The following COX16 variants were observed in gnomAD, a reference collection of about 807,000 sequenced individuals.
COX16 encodes the protein cytochrome c oxidase assembly factor COX16.
COX16 carries 12 observed loss-of-function variants against 15.4 expected under a neutral mutation model. The observed-to-expected ratio is 0.78, with a 90% CI of 0.50 to 1.26. The LOEUF is 1.26. COX16 is among the 50% of genes most tolerant of loss of function. COX16 has a pLI of 0.00. For synonymous variants in COX16, 46 were observed against 41.1 expected, an observed-to-expected ratio of 1.12 and a Z score of -0.46; for missense variants, 124 against 127.6, an observed-to-expected ratio of 0.97 and a Z score of 0.14.
intron 3 of COX16, chr14:70,328,348 A>T (rs192018987): frequency 6.6e-6 from 1 of 152,288 alleles, no homozygotes; most frequent in East Asian, 1.9e-4. Flanking sequence ...ATAAAAATCA[A>T]CACTCTTCAG....
chr14:70,331,377 A>C (rs1410463995), intron 2 of COX16, among the ~76,000 whole-genome samples: 1 of 152,194 alleles, frequency 6.6e-6, no homozygotes, highest in Non-Finnish European at 1.5e-5. Context: ...AAAGGTTTAT[A>C]ATCTGGCATG....
chr14:70,333,150 G>A (rs1886344176), intron 2 of COX16, among the ~76,000 whole-genome samples: 1 of 152,108 alleles, frequency 6.6e-6, no homozygotes, highest in African/African-American at 2.4e-5. Flanking sequence ...TAAATACAGA[G>A]GCTCTCAATG....
intron 1 of COX16, among the ~76,000 whole-genome samples, chr14:70,354,829 A>AGTGTGTGTGCGTGTGTGT (rs1555345883): frequency 1.2e-5 from 1 of 85,716 alleles, no homozygotes; most frequent in African/African-American, 5.1e-5. Context: ...CTATGCATAG[A>AGTGTGTGTGCGTGTGTGT]GTGTGTGTGT....
intron 2 of COX16, among the ~76,000 whole-genome samples, chr14:70,341,276 AC>A (rs1886617027): frequency 1.3e-5 from 2 of 152,192 alleles, no homozygotes; most frequent in African/African-American, 2.4e-5. Context: ...TAGAAAGTAC[AC>A]ATTTTTTTAA....
At chr14:70,329,605 C>T (rs113430915) in intron 2 of COX16, among the ~76,000 whole-genome samples, 105 of 151,452 alleles carry the variant, frequency 6.9e-4, no homozygotes, top group African/African-American at 2.5e-3. Context: ...CTCCAGAGTT[C>T]ACACTATTAA....
In COX16 at chr14:70,328,856, C is replaced by CCCA. The variant is rs1369217380; in HGVS notation, c.204+317_204+318insTGG. ...GTATGTATGAACCCATTGATCTTTA[C>CCCA]TTTTAGAGCTTCTGGGTTTTATATC... On this transcript the variant is annotated intron_variant, in intron 3 of 3. Coordinates refer to ENST00000389912, the MANE Select transcript of COX16 (RefSeq NM_016468.7). Among the ~76,000 whole-genome samples the CCCA allele has an allele frequency of 1.2e-3, 180 of 152,108 alleles. 1 individual carries two copies. The highest frequency in any genetic ancestry group is 4.3e-3 in the African/African-American group (177 of 41,550).
chr14:70,341,662 A>G (rs1219742427), intron 2 of COX16, among the ~76,000 whole-genome samples: 1 of 152,216 alleles, frequency 6.6e-6, no homozygotes, highest in Non-Finnish European at 1.5e-5. Context: ...GTTAATGTAT[A>G]GACCCCCTCA....
rs202027808 is a variant in COX16 at position 70,357,157 on chromosome 14, T to TC, written c.69+2361dup. 6.0e-3 allele frequency among the ~76,000 whole-genome samples: 204 copies of TC among 33,968 alleles called. 33 individuals are homozygous for TC. Among genetic ancestry groups the TC allele is most frequent in the African/African-American group, 0.018 (133 of 7,336 alleles). The allele number at this position is 33,968 out of a possible 152,430, so 22.3% of individuals were successfully genotyped here. A position where few individuals can be genotyped will look rare whatever the true frequency, so the allele number is the denominator to read the frequency against. On this transcript the variant is annotated intron_variant, in intron 1 of 3. Transcript: ENST00000389912. Reference sequence around the variant, plus strand: ...ACAGACTTCTCCTAGGAAGCGTTTGTCAAAAAAAAAAAAAAAAAAAAAAAA... The same window carrying TC: ...ACAGACTTCTCCTAGGAAGCGTTTGTCCAAAAAAAAAAAAAAAAAAAAAAAA...
intron 1 of COX16, among the ~76,000 whole-genome samples, chr14:70,349,010 C>T (rs1886864553): frequency 6.6e-6 from 1 of 152,164 alleles, no homozygotes; most frequent in African/African-American, 2.4e-5. Flanking sequence ...CTTCTGAGCC[C>T]AAAACCTTCA....
intron 1 of COX16, among the ~76,000 whole-genome samples, chr14:70,357,435 G>A (rs1887165129): frequency 6.6e-6 from 1 of 152,136 alleles, no homozygotes; most frequent in Non-Finnish European, 1.5e-5. Flanking sequence ...GCTATACATG[G>A]AGCTGTAAAT....
chr14:70,337,841 T>C (rs1435105932), intron 2 of COX16, among the ~76,000 whole-genome samples: 1 of 151,908 alleles, frequency 6.6e-6, no homozygotes, highest in South Asian at 2.1e-4. Context: ...CATGTGGAGA[T>C]TGAACACAGC....
chr14:70,341,854 TGTGTGTGTGA>T (rs1196855494), intron 2 of COX16, among the ~76,000 whole-genome samples: 2 of 151,986 alleles, frequency 1.3e-5, no homozygotes, highest in Non-Finnish European at 2.9e-5. Context: ...GGATCATCTG[TGTGTGTGTGA>T]GTGTGTGTGT....
chr14:70,347,762 C>T lies in COX16; in HGVS notation c.70-5033G>A, dbSNP rs1378353726. ...AGGCCTGGCTCTTACCCCATGAACC[C>T]GAGGGCTCACAACCGACCACATATC... On this transcript the variant is annotated intron_variant, in intron 1 of 3. Coordinates refer to ENST00000389912, the MANE Select transcript of COX16 (RefSeq NM_016468.7). Among the ~76,000 whole-genome samples the T allele has an allele frequency of 3.3e-5, 5 of 152,220 alleles. No individual in the cohort carries two copies. In the East Asian group the frequency reaches 5.8e-4, roughly 18 times the overall value.
At chr14:70,334,309 G>A (rs1886379161) in intron 2 of COX16, among the ~76,000 whole-genome samples, 2 of 152,144 alleles carry the variant, frequency 1.3e-5, no homozygotes, top group African/African-American at 4.8e-5. Flanking sequence ...GATCACTTGA[G>A]GTCAGGAGTT....
intron 1 of COX16, among the ~76,000 whole-genome samples, chr14:70,350,903 A>G (rs572620260): frequency 1.3e-5 from 2 of 152,362 alleles, no homozygotes; most frequent in East Asian, 1.9e-4. Flanking sequence ...CTGTATCTCA[A>G]AGCAGCTAAC....
chr14:70,353,477 T>TAC (rs1215824046), intron 1 of COX16, among the ~76,000 whole-genome samples: 1 of 142,862 alleles, frequency 7.0e-6, no homozygotes, highest in East Asian at 2.0e-4. Context: ...TATATATACA[T>TAC]ACACACACAC....
chr14:70,348,706 G>A (rs571362696), intron 1 of COX16, among the ~76,000 whole-genome samples: 9 of 152,078 alleles, frequency 5.9e-5, no homozygotes, highest in African/African-American at 9.7e-5. Context: ...CTCATTATGC[G>A]TTCCATATAG....
chr14:70,337,971 G>T (rs1268157622), intron 2 of COX16, among the ~76,000 whole-genome samples: 2 of 152,060 alleles, frequency 1.3e-5, no homozygotes, highest in East Asian at 3.8e-4. Flanking sequence ...TGGGCATGAA[G>T]AATATAACAC....
chr14:70,344,298 A>T (rs140008923), intron 1 of COX16, among the ~76,000 whole-genome samples: 1 of 152,244 alleles, frequency 6.6e-6, no homozygotes, highest in Non-Finnish European at 1.5e-5. Flanking sequence ...ACTGGTCCCC[A>T]GGCAAGAAGG....
Sources: gnomAD v4.1 joint callset for allele counts (sites outside exome capture counted in the v4.1 genomes callset) on GRCh38, gnomAD v4.1.1 for gene constraint, MANE v1.5 for transcripts, NCBI Gene and HGNC (gene_info 2026-07-23, HGNC 2026-07-21) for gene names.